Variants in RABEP2 observed in about 807,000 individuals in gnomAD.
The protein encoded by RABEP2 is rab GTPase-binding effector protein 2.
RABEP2 carries 57 observed loss-of-function variants against 74.1 expected under a neutral mutation model. The ratio of observed to expected loss-of-function variants is 0.77; its 90% confidence interval spans 0.62 to 0.96. The LOEUF (loss-of-function observed/expected upper bound fraction) is 0.96. RABEP2 is among the 40% of genes least tolerant of loss of function. The pLI, the probability that RABEP2 is intolerant of heterozygous loss-of-function variation, is 0.00. For missense variants in RABEP2, 692 were observed against 756.3 expected (o/e 0.91, Z 1.00); for synonymous variants, 351 against 344.0 (o/e 1.02, Z -0.23).
chr16:28,905,529 C>T lies in RABEP2; in HGVS notation c.1492-16G>A, dbSNP rs1457830748. On this transcript the variant is annotated splice_polypyrimidine_tract_variant and intron_variant, in intron 11 of 12. Coordinates refer to ENST00000358201, the MANE Select transcript of RABEP2 (RefSeq NM_024816.3). ...GGAGCTGGGCCTGCGGGGACAGACACCACACTGAGCTGGGCCTGGCTCAGC... is the reference window on the plus strand; with the variant it reads ...GGAGCTGGGCCTGCGGGGACAGACATCACACTGAGCTGGGCCTGGCTCAGC... 1 of 1,606,246 alleles carries T rather than the reference C, an allele frequency of 6.2e-7. No homozygotes were observed. The highest frequency in any genetic ancestry group is 1.7e-5 in the Admixed American group (1 of 59,780).
chr16:28,925,125 C>A lies in RABEP2; in HGVS notation c.39G>T (p.Glu13Asp). Residue 13 changes from glutamate (E) to aspartate (D), a missense_variant, in exon 1 of 13, where the codon GAG (glutamate) becomes GAT (aspartate). By Grantham distance (45) the Glu-to-Asp change is conservative. Coordinates refer to ENST00000358201, the MANE Select transcript of RABEP2 (RefSeq NM_024816.3). ...TACCAGCCCCCGGCCGCCGCCGCCG[C>A]TCATCGTCGTCCGCGGCCACCGGCG... ...AAAPVAADDD[E>D]RRRRPGAALE... 6.5e-7 allele frequency: 1 copy of A among 1,535,788 alleles called. No homozygotes were observed. The highest frequency in any genetic ancestry group is 2.5e-5 in the East Asian group (1 of 40,582).
Position 28,908,781 on chromosome 16 carries a change from A to G in RABEP2, c.1090-17T>C. On this transcript the variant is annotated splice_polypyrimidine_tract_variant and intron_variant, in intron 7 of 12. Coordinates refer to ENST00000358201, the MANE Select transcript of RABEP2 (RefSeq NM_024816.3). ...CAGCTCCGCCTATGGACAGACAGTT[A>G]GTATAAGGCAATGAAGAGGACAGGG... 6.2e-7 allele frequency: 1 copy of G among 1,612,178 alleles called. No homozygotes were observed.
At chr16:28,905,303 G>A in intron 12 of RABEP2, 94 bp downstream of exon 12, 3 of 901,868 alleles carry the variant, frequency 3.3e-6, no homozygotes, top group Non-Finnish European at 5.2e-6. Context: ...GAGGAAGAAA[G>A]GACTCCCCTA....
intron 2 of RABEP2, among the ~76,000 whole-genome samples, chr16:28,923,418 T>C (rs568684922): frequency 6.6e-6 from 1 of 151,868 alleles, no homozygotes; most frequent in Admixed American, 6.6e-5. Flanking sequence ...GAAACTCTTA[T>C]TGACTCAAGA....
At chr16:28,923,399 C>T (rs1483053509) in intron 2 of RABEP2, among the ~76,000 whole-genome samples, 4 of 149,306 alleles carry the variant, frequency 2.7e-5, no homozygotes, top group Admixed American at 6.7e-5. Flanking sequence ...CCAGCTTGGG[C>T]GACAGAGTGA....
Position 28,917,036 on chromosome 16 carries a change from G to T in RABEP2, c.433-2254C>A, listed in dbSNP as rs550293171. ...TCACATTTAAGCCACTGTTAATTTG[G>T]GTTTTCAATCACATGCAGCCAAATC... is the stretch of plus-strand genomic sequence containing the variant. On this transcript the variant is annotated intron_variant, in intron 3 of 12. Transcript: ENST00000358201. Among the ~76,000 whole-genome samples the T allele has an allele frequency of 7.9e-5, 12 of 151,948 alleles. No homozygotes were observed. The South Asian group carries it at 2.5e-3, about 32-fold the overall frequency.
chr16:28,923,808 C>T lies in RABEP2; in HGVS notation c.274+595G>A, dbSNP rs1053958691. 1.1e-4 allele frequency among the ~76,000 whole-genome samples: 17 copies of T among 152,172 alleles called. No homozygotes were observed. In the East Asian group the frequency reaches 3.1e-3, roughly 28 times the overall value. The stretch of plus-strand genomic sequence containing the variant: ...AGGAGAGAGTTGACGAGAGCCCCAC[C>T]GCAGCAGGGGCATAGCAGCGGGGGC... On this transcript the variant is annotated intron_variant, in intron 2 of 12. Transcript: ENST00000358201.
chr16:28,923,050 T>C (rs765470664), intron 2 of RABEP2, among the ~76,000 whole-genome samples: 2 of 152,162 alleles, frequency 1.3e-5, no homozygotes, highest in African/African-American at 2.4e-5. Context: ...TCACAGAGTT[T>C]GTTATGAAGA....
In RABEP2 at chr16:28,905,466, C is replaced by T. The variant is rs1964211912; in HGVS notation, c.1539G>A (p.Arg513=). 6.2e-7 allele frequency: 1 copy of T among 1,609,242 alleles called. No homozygotes were observed. Among genetic ancestry groups the T allele is most frequent in the Non-Finnish European group, 8.5e-7 (1 of 1,178,666 alleles). ...LLSEQRAKVL[R]LQAELETSEQ... Reference sequence around the variant, plus strand: ...CACTGGTCTCCAGCTCTGCCTGCAGCCGCAGCACCTTGGCCCTCTGTTCTG... The same window carrying T: ...CACTGGTCTCCAGCTCTGCCTGCAGTCGCAGCACCTTGGCCCTCTGTTCTG... The change falls in exon 12 of 13, where the codon CGG becomes CGA. Residue 513 remains arginine (R), a synonymous_variant. Coordinates refer to ENST00000358201, the MANE Select transcript of RABEP2 (RefSeq NM_024816.3).
At chr16:28,925,028 C>A (rs1596707024) in intron 1 of RABEP2, 75 bp downstream of exon 1, 2 of 1,458,006 alleles carry the variant, frequency 1.4e-6, no homozygotes, top group East Asian at 2.4e-5. Flanking sequence ...TCTCCACCCC[C>A]CATCCGCAGG....
In RABEP2 at chr16:28,914,228, A is replaced by G; in HGVS notation, c.894+8T>C. 3.2e-6 allele frequency: 5 copies of G among 1,583,084 alleles called. No homozygotes were observed. The highest frequency in any genetic ancestry group is 2.2e-5 in the East Asian group (1 of 44,586). Reference sequence around the variant, plus strand: ...GGTACACCCCGCCACCCTGCCCACAACACTCACCTCTGTCTGCAGCTGCTC... The same window carrying G: ...GGTACACCCCGCCACCCTGCCCACAGCACTCACCTCTGTCTGCAGCTGCTC... On this transcript the variant is annotated splice_region_variant and intron_variant, in intron 5 of 12. Coordinates refer to ENST00000358201, the MANE Select transcript of RABEP2 (RefSeq NM_024816.3).
rs1964445851 is a variant in RABEP2, at chr16:28,919,872, C to A, written c.346G>T (p.Glu116Ter). ...QERQQQQQDCEEKERELGRLK... is the reference protein window; with the variant it reads ...QERQQQQQDC ...CGGCCCAGCTCCCGCTCCTTCTCCT[C>A]ACAGTCCTGCTGCTGCTGCTGTCGC... The change falls in exon 3 of 13, where the codon GAG becomes TAG. Residue 116 changes from glutamate (E) to a stop codon, truncating the protein, a stop_gained. Coordinates refer to ENST00000358201, the MANE Select transcript of RABEP2 (RefSeq NM_024816.3). LOFTEE classifies it high-confidence loss of function. 6.2e-7 allele frequency: 1 copy of A among 1,611,588 alleles called. No homozygotes were observed. The highest frequency in any genetic ancestry group is 2.2e-5 in the East Asian group (1 of 44,840).
chr16:28,906,045 T>C lies in RABEP2; in HGVS notation c.1397A>G (p.Gln466Arg). The C allele has an allele frequency of 6.2e-7, 1 of 1,604,108 alleles. No homozygotes were observed. Residue 466 changes from glutamine (Q) to arginine (R), a missense_variant, in exon 9 of 13, where the codon CAG (glutamine) becomes CGG (arginine). Physicochemically the swap from Gln to Arg is conservative, Grantham distance 43 (BLOSUM62 1). Coordinates refer to ENST00000358201, the MANE Select transcript of RABEP2 (RefSeq NM_024816.3). ...ETVARASLEG[Q>R]LRVQREETEV... Reference sequence around the variant, plus strand: ...TGTCTCCTCCCGCTGCACCCTCAGCTGCCCCTCCAGGCTGGCCCTGGCCAC... The same window carrying C: ...TGTCTCCTCCCGCTGCACCCTCAGCCGCCCCTCCAGGCTGGCCCTGGCCAC...
chr16:28,913,219 C>T lies in RABEP2; in HGVS notation c.894+1017G>A, dbSNP rs1275029283. 2.6e-5 allele frequency among the ~76,000 whole-genome samples: 4 copies of T among 152,066 alleles called. 1 individual carries two copies. The highest frequency in any genetic ancestry group is 2.1e-4 in the South Asian group (1 of 4,810). On this transcript the variant is annotated intron_variant, in intron 5 of 12. Coordinates refer to ENST00000358201, the MANE Select transcript of RABEP2 (RefSeq NM_024816.3). Reference sequence around the variant, plus strand: ...TGCTGGGATTACAGGCATGAGCCACCGCGCCCGGCCTGCCCCGGTCTTTAA... The same window carrying T: ...TGCTGGGATTACAGGCATGAGCCACTGCGCCCGGCCTGCCCCGGTCTTTAA...
Position 28,905,039 on chromosome 16 carries a change from G to A in RABEP2, c.1614C>T (p.Arg538=). ...TCTCAGCCTGGCGGATCCGCTCTAG[G>A]CGCACCTGCCGGATCGGACGAGGGG... ...FVRLSQALQV[R]LERIRQAETL... is the part of the protein sequence containing the mutation. The change falls in exon 13 of 13, where the codon CGC becomes CGT. Residue 538 remains arginine (R), a synonymous_variant. Coordinates refer to ENST00000358201, the MANE Select transcript of RABEP2 (RefSeq NM_024816.3). 1.2e-6 allele frequency: 2 copies of A among 1,604,106 alleles called. No individual in the cohort carries two copies. Among genetic ancestry groups the A allele is most frequent in the South Asian group, 1.1e-5 (1 of 90,966 alleles).
At position 28,914,372 on chromosome 16, in the gene RABEP2, C is replaced by A. The variant is rs760213545; in HGVS notation, c.758G>T (p.Arg253Leu). 4 of 1,613,386 alleles carry A rather than the reference C, an allele frequency of 2.5e-6. No individual in the cohort carries two copies. Among genetic ancestry groups the A allele is most frequent in the East Asian group, 2.2e-5 (1 of 44,876 alleles). ...TTCCTGTTCAGGGCTCAGGCCCTGG[C>A]GGCTTTGGGGCAGGGAGGAGCTGCT... ...VGSSSSLPQS[R>L]QGLSPEQEET... Residue 253 changes from arginine to leucine, a missense_variant, in exon 5 of 13, where the codon CGC (arginine) becomes CTC (leucine). Transcript: ENST00000358201.
intron 3 of RABEP2, among the ~76,000 whole-genome samples, chr16:28,917,571 C>G (rs1235355436): frequency 2.0e-5 from 3 of 152,184 alleles, no homozygotes; most frequent in African/African-American, 7.2e-5. Context: ...AGGTGCCCAC[C>G]ACCATGCCTG....
At chr16:28,922,815 A>C (rs963854416) in intron 2 of RABEP2, among the ~76,000 whole-genome samples, 1 of 151,572 alleles carries the variant, frequency 6.6e-6, no homozygotes, top group Non-Finnish European at 1.5e-5. Flanking sequence ...AATCGCTTGA[A>C]CCCGGGAGGT....
At chr16:28,924,673 C>T in intron 1 of RABEP2, 58 bp from the exon 2 acceptor site, 1 of 1,498,906 alleles carries the variant, frequency 6.7e-7, no homozygotes, top group Non-Finnish European at 9.2e-7. Context: ...CACCTACCGG[C>T]TTAGCAAGTC....
Sources: allele counts gnomAD v4.1 joint callset (sites outside exome capture counted in the v4.1 genomes callset), GRCh38; gene constraint gnomAD v4.1.1; transcripts MANE v1.5; gene names NCBI Gene and HGNC (gene_info 2026-07-23, HGNC 2026-07-21).